The following GPC5 variants were observed in gnomAD, a reference collection of about 807,000 sequenced individuals.
GPC5 encodes the protein glypican-5.
Under a neutral mutation model 53.9 loss-of-function variants are expected in GPC5, and 47 were observed. The observed-to-expected ratio is 0.87, with a 90% CI of 0.69 to 1.11. The LOEUF (loss-of-function observed/expected upper bound fraction) is 1.11. Among genes scored for constraint, GPC5 ranks in the 50% most tolerant of loss-of-function variants. GPC5 has a pLI of 0.00. For missense variants in GPC5, 748 were observed against 713.1 expected (o/e 1.05, Z -0.56); for synonymous variants, 286 against 263.3 (o/e 1.09, Z -0.84).
intron 2 of GPC5, among the ~76,000 whole-genome samples, chr13:91,564,103 A>G (rs373504761): frequency 4.4e-4 from 67 of 152,278 alleles, no homozygotes; most frequent in African/African-American, 1.6e-3. Flanking sequence ...AAACCATTTC[A>G]GTGACAGCAC....
At position 92,867,030 on chromosome 13, in the gene GPC5, T is replaced by G. The variant is rs1879357593; in HGVS notation, c.*591T>G. 1 of 152,130 alleles carries G rather than the reference T, an allele frequency of 6.6e-6. No individual in the cohort carries two copies. The highest frequency in any genetic ancestry group is 2.4e-5 in the African/African-American group (1 of 41,458). The allele number at this position is 152,130 out of a possible 1,614,324, so 9.4% of individuals were successfully genotyped here. On this transcript the variant is annotated 3_prime_UTR_variant, in exon 8 of 8. Transcript: ENST00000377067. Reference sequence around the variant, plus strand: ...TTTCACTGAAGAACCTTGATAATTTTGACCCACTGTAACTTAGCCACTGAT... The same window carrying G: ...TTTCACTGAAGAACCTTGATAATTTGGACCCACTGTAACTTAGCCACTGAT...
At chr13:91,572,599 A>G (rs1200868521) in intron 2 of GPC5, among the ~76,000 whole-genome samples, 2 of 152,012 alleles carry the variant, frequency 1.3e-5, no homozygotes, top group Non-Finnish European at 2.9e-5. Context: ...TCTCAGATGA[A>G]CTAACAGAGC....
At chr13:91,740,286 T>C (rs1241624468) in intron 4 of GPC5, among the ~76,000 whole-genome samples, 5 of 152,222 alleles carry the variant, frequency 3.3e-5, no homozygotes, top group Admixed American at 6.5e-5. Flanking sequence ...CTCCTTAGGA[T>C]AGAGAAATCT....
At position 92,762,656 on chromosome 13, in the gene GPC5, T is replaced by C. The variant is rs375278707; in HGVS notation, c.1562-103626T>C. Among the ~76,000 whole-genome samples the C allele has an allele frequency of 2.2e-3, 331 of 152,276 alleles. 3 individuals carry two copies. The highest frequency in any genetic ancestry group is 8.7e-3 in the South Asian group (42 of 4,826). On this transcript the variant is annotated intron_variant, in intron 7 of 7. Coordinates refer to ENST00000377067, the MANE Select transcript of GPC5 (RefSeq NM_004466.6). ...AGATTTCAGCATTTTTATTATTAAA[T>C]AAGCATTCTTTTTCCATCTTTGTCT...
chr13:92,082,018 T>A (rs575859802), intron 6 of GPC5, among the ~76,000 whole-genome samples: 76 of 152,242 alleles, frequency 5.0e-4, no homozygotes, highest in African/African-American at 1.7e-3. Context: ...GAGTGAGTAT[T>A]TAGTGCCAAA....
chr13:91,443,766 A>G (rs2139076665), intron 1 of GPC5, among the ~76,000 whole-genome samples: 1 of 152,322 alleles, frequency 6.6e-6, no homozygotes, highest in South Asian at 2.1e-4. Flanking sequence ...AATTATATAC[A>G]TTTTAAAGGT....
intron 7 of GPC5, 74 bp downstream of exon 7, chr13:92,145,063 G>A: frequency 3.8e-5 from 45 of 1,190,514 alleles, no homozygotes; most frequent in Non-Finnish European, 4.8e-5. Flanking sequence ...TGTTATGGAT[G>A]TAAAGAAATA....
intron 7 of GPC5, among the ~76,000 whole-genome samples, chr13:92,285,427 T>TA: frequency 6.6e-6 from 1 of 152,200 alleles, no homozygotes; most frequent in African/African-American, 2.4e-5. Context: ...GAGCCCACAT[T>TA]GCCAACTCAA....
At chr13:91,694,132 A>G (rs1342017921) in intron 3 of GPC5, among the ~76,000 whole-genome samples, 2 of 152,200 alleles carry the variant, frequency 1.3e-5, no homozygotes, top group African/African-American at 2.4e-5. Context: ...ATAGATTTGA[A>G]TCTTTAGCCT....
chr13:92,079,153 G>A (rs1474053327), intron 6 of GPC5, among the ~76,000 whole-genome samples: 2 of 152,094 alleles, frequency 1.3e-5, no homozygotes, highest in Non-Finnish European at 2.9e-5. Flanking sequence ...CTGGTTTCAA[G>A]CAATTCTCCT....
intron 2 of GPC5, among the ~76,000 whole-genome samples, chr13:91,564,788 G>A (rs1349133750): frequency 6.6e-6 from 1 of 151,852 alleles, no homozygotes; most frequent in Admixed American, 6.6e-5. Flanking sequence ...GCATATTATC[G>A]ATTTTTGTTT....
intron 2 of GPC5, among the ~76,000 whole-genome samples, chr13:91,596,897 T>G (rs892157925): frequency 6.6e-6 from 1 of 152,196 alleles, no homozygotes; most frequent in African/African-American, 2.4e-5. Flanking sequence ...CTGATCAATA[T>G]TCTGGTGAAT....
intron 5 of GPC5, among the ~76,000 whole-genome samples, chr13:91,788,646 T>C (rs977923101): frequency 6.6e-6 from 1 of 152,168 alleles, no homozygotes; most frequent in Non-Finnish European, 1.5e-5. Context: ...AAAGATATCA[T>C]TTTTGAGGTC....
chr13:91,566,864 GTAAA>G (rs1384694450), intron 2 of GPC5, among the ~76,000 whole-genome samples: 1 of 150,412 alleles, frequency 6.6e-6, no homozygotes, highest in Non-Finnish European at 1.5e-5. Flanking sequence ...AAAATGTTGA[GTAAA>G]TATTCATCAA....
chr13:92,696,992 A>G (rs1342156171), intron 7 of GPC5, among the ~76,000 whole-genome samples: 1 of 152,090 alleles, frequency 6.6e-6, no homozygotes, highest in East Asian at 1.9e-4. Context: ...AAGTTTGTCA[A>G]AGATCTGATG....
At chr13:91,657,561 A>C (rs1026718184) in intron 2 of GPC5, among the ~76,000 whole-genome samples, 1 of 152,126 alleles carries the variant, frequency 6.6e-6, no homozygotes, top group Non-Finnish European at 1.5e-5. Context: ...ACAACAAAAA[A>C]ATTATCCCAC....
chr13:92,745,282 A>C (rs1418419571), intron 7 of GPC5, among the ~76,000 whole-genome samples: 1 of 152,114 alleles, frequency 6.6e-6, no homozygotes, highest in East Asian at 1.9e-4. Context: ...ATAGCAAAAA[A>C]ACACAAATTC....
chr13:91,616,282 A>T, intron 2 of GPC5, among the ~76,000 whole-genome samples: 1 of 151,968 alleles, frequency 6.6e-6, no homozygotes, highest in East Asian at 1.9e-4. Context: ...TCTCTTATGA[A>T]CTATTTAAAG....
chr13:91,804,346 G>A (rs546028536), intron 5 of GPC5, among the ~76,000 whole-genome samples: 1 of 152,292 alleles, frequency 6.6e-6, no homozygotes, highest in South Asian at 2.1e-4. Context: ...TATAGCTCTC[G>A]TCTGTACTCA....
Sources: allele counts gnomAD v4.1 joint callset (sites outside exome capture counted in the v4.1 genomes callset), GRCh38; gene constraint gnomAD v4.1.1; transcripts MANE v1.5; gene names NCBI Gene and HGNC (gene_info 2026-07-23, HGNC 2026-07-21).